PTPRD: variants seen among roughly 807,000 people sequenced by gnomAD.
PTPRD encodes the protein protein tyrosine phosphatase receptor type D.
A neutral mutation model predicts 214.5 loss-of-function variants in PTPRD; 34 were observed. The ratio of observed to expected loss-of-function variants is 0.16; its 90% CI spans 0.12 to 0.21. The LOEUF (loss-of-function observed/expected upper bound fraction) is 0.21, where lower values mean the gene tolerates loss of function less well. PTPRD is among the 10% of genes least tolerant of loss of function. PTPRD has a pLI of 1.00. For synonymous variants in PTPRD, 1,128 were observed against 845.7 expected, an observed-to-expected ratio of 1.33 and a Z score of -5.79; for missense variants, 2,545 against 2,398.7, an observed-to-expected ratio of 1.06 and a Z score of -1.27.
intron 2 of PTPRD, among the ~76,000 whole-genome samples, chr9:10,341,299 T>C (rs1004392283): frequency 3.3e-5 from 5 of 151,624 alleles, no homozygotes; most frequent in African/African-American, 1.2e-4. Context: ...TAGGCCACTA[T>C]AGTCACAGAA....
intron 12 of PTPRD, among the ~76,000 whole-genome samples, chr9:8,727,017 A>T (rs929693993): frequency 1.3e-5 from 2 of 151,952 alleles, no homozygotes; most frequent in African/African-American, 4.8e-5. Context: ...AGGTACATAG[A>T]AACAGAATGA....
intron 39 of PTPRD, among the ~76,000 whole-genome samples, chr9:8,347,734 GT>G (rs1564151483): frequency 6.6e-6 from 1 of 152,166 alleles, no homozygotes; most frequent in Non-Finnish European, 1.5e-5. Flanking sequence ...TAGGATGGAT[GT>G]CCTTGTAAGA....
intron 11 of PTPRD, among the ~76,000 whole-genome samples, chr9:8,758,558 T>C (rs2094180577): frequency 6.6e-6 from 1 of 152,126 alleles, no homozygotes; most frequent in Non-Finnish European, 1.5e-5. Flanking sequence ...CTCATAAATT[T>C]TGGGCTGTCA....
intron 10 of PTPRD, among the ~76,000 whole-genome samples, chr9:9,168,984 T>G (rs1333368930): frequency 6.6e-6 from 1 of 151,960 alleles, no homozygotes; most frequent in African/African-American, 2.4e-5. Context: ...TTTTATTTCA[T>G]GAAATTTCAT....
At chr9:10,000,382 C>G (rs925798553) in intron 4 of PTPRD, among the ~76,000 whole-genome samples, 10 of 152,104 alleles carry the variant, frequency 6.6e-5, no homozygotes, top group African/African-American at 1.2e-4. Flanking sequence ...CACCTAGAAA[C>G]GATCAAACTC....
chr9:9,451,156 G>GT (rs1555422103), intron 8 of PTPRD, among the ~76,000 whole-genome samples: 1 of 151,712 alleles, frequency 6.6e-6, no homozygotes, highest in Non-Finnish European at 1.5e-5. Context: ...TTGAGCATCT[G>GT]TTTATATAAG....
At chr9:8,822,112 G>C (rs773849299) in intron 11 of PTPRD, among the ~76,000 whole-genome samples, 14 of 152,172 alleles carry the variant, frequency 9.2e-5, no homozygotes, top group Admixed American at 2.0e-4. Flanking sequence ...GTTTTGTTTT[G>C]CTTAGTAAGC....
intron 7 of PTPRD, among the ~76,000 whole-genome samples, chr9:9,730,069 G>A (rs1433842269): frequency 6.6e-6 from 1 of 152,004 alleles, no homozygotes; most frequent in Non-Finnish European, 1.5e-5. Context: ...TAATTTTTGA[G>A]GGGAGAGTAT....
intron 4 of PTPRD, among the ~76,000 whole-genome samples, chr9:9,960,123 G>A (rs532726653): frequency 2.0e-5 from 3 of 150,942 alleles, no homozygotes; most frequent in South Asian, 4.2e-4. Context: ...CAGGAAATAT[G>A]CAACAACTTG....
chr9:9,716,562 T>G lies in PTPRD; in HGVS notation c.-287+17971A>C, dbSNP rs560090629. ...ATTGCCGTTCTAACTGGTGTGAGAT[T>G]GTATCTCATTGTGGTTTTGATTTGC... On this transcript the variant is annotated intron_variant, in intron 7 of 45. Transcript: ENST00000381196. Among the ~76,000 whole-genome samples the G allele has an allele frequency of 4.2e-3, 636 of 152,150 alleles. 6 individuals are homozygous for G. The highest frequency in any genetic ancestry group is 0.014 in the African/African-American group (589 of 41,436).
At chr9:8,997,366 C>T (rs944883087) in intron 11 of PTPRD, among the ~76,000 whole-genome samples, 1 of 152,030 alleles carries the variant, frequency 6.6e-6, no homozygotes, top group East Asian at 1.9e-4. Context: ...CTCTGTGTCA[C>T]ATTTAGGTAA....
chr9:10,231,237 A>G (rs1288301577), intron 3 of PTPRD, among the ~76,000 whole-genome samples: 2 of 151,996 alleles, frequency 1.3e-5, no homozygotes, highest in East Asian at 1.9e-4. Flanking sequence ...ATGGAAGAAT[A>G]TATGAAATAA....
rs1368242808 is a variant in PTPRD, at chr9:10,394,597, T to A, written c.-599-53580A>T. Among the ~76,000 whole-genome samples, 25 of 151,908 alleles carry A rather than the reference T, an allele frequency of 1.6e-4. No individual in the cohort carries two copies. The Admixed American group carries it at 1.6e-3, about 10-fold the overall frequency. On this transcript the variant is annotated intron_variant, in intron 2 of 45. Coordinates refer to ENST00000381196, the MANE Select transcript of PTPRD (RefSeq NM_002839.4). ...AATAAATTTCCAAAACCACGTAGTC[T>A]ATCCAAACACTCTTTAAGTGAGTAA...
chr9:9,051,710 A>G (rs542611479), intron 10 of PTPRD, among the ~76,000 whole-genome samples: 1 of 152,226 alleles, frequency 6.6e-6, no homozygotes, highest in Admixed American at 6.5e-5. Context: ...TAGCTTCTGT[A>G]GACCATGTTC....
intron 14 of PTPRD, among the ~76,000 whole-genome samples, chr9:8,569,773 A>G (rs1366959243): frequency 4.1e-5 from 6 of 145,044 alleles, no homozygotes; most frequent in Non-Finnish European, 7.6e-5. Flanking sequence ...TTTGTTTATT[A>G]TTTTAAGGAA....
At chr9:10,205,987 G>A (rs531248395) in intron 3 of PTPRD, among the ~76,000 whole-genome samples, 1 of 150,146 alleles carries the variant, frequency 6.7e-6, no homozygotes, top group Admixed American at 6.7e-5. Context: ...TAATCTAGTA[G>A]AGGAGTCTGA....
rs2130162354 is a variant in PTPRD at position 8,315,648 on chromosome 9, T to C, written c.*2226A>G. 4.4e-6 allele frequency: 1 copy of C among 228,172 alleles called. No individual in the cohort carries two copies. Among genetic ancestry groups the C allele is most frequent in the East Asian group, 6.3e-5 (1 of 15,978 alleles). 14.1% of individuals were successfully genotyped at this position (228,172 alleles called of 1,614,324 possible). On this transcript the variant is annotated 3_prime_UTR_variant, in exon 46 of 46. Transcript: ENST00000381196. ...TTTTTAGTATTATATATATTTTCTT[T>C]TTTTTCTTTTTCTTTGTTTTTTACA...
In PTPRD at chr9:9,388,344, G is replaced by A. The variant is rs545275342; in HGVS notation, c.-203+9105C>T. ...CTAGGTCTGTGGGGATGGAGCTTTAGCCAGGGACCACACACTCCTCTACTC... is the reference window on the plus strand; with the variant it reads ...CTAGGTCTGTGGGGATGGAGCTTTAACCAGGGACCACACACTCCTCTACTC... On this transcript the variant is annotated intron_variant, in intron 9 of 45. Coordinates refer to ENST00000381196, the MANE Select transcript of PTPRD (RefSeq NM_002839.4). Among the ~76,000 whole-genome samples, 24 of 152,192 alleles carry A rather than the reference G, an allele frequency of 1.6e-4. No homozygotes were observed. In the South Asian group the frequency reaches 4.6e-3, roughly 29 times the overall value.
At chr9:8,831,756 C>T (rs1052972238) in intron 11 of PTPRD, among the ~76,000 whole-genome samples, 1 of 152,212 alleles carries the variant, frequency 6.6e-6, no homozygotes, top group South Asian at 2.1e-4. Flanking sequence ...GGTTTCAACA[C>T]TGTATCACTT....
Sources: gnomAD v4.1 joint callset for allele counts (sites outside exome capture counted in the v4.1 genomes callset) on GRCh38, gnomAD v4.1.1 for gene constraint, MANE v1.5 for transcripts, NCBI Gene and HGNC (gene_info 2026-07-23, HGNC 2026-07-21) for gene names.